PLA2G4E: variants seen among roughly 807,000 people sequenced by gnomAD.
PLA2G4E encodes the protein cytosolic phospholipase A2 epsilon.
A neutral mutation model predicts 109.1 loss-of-function variants in PLA2G4E; 84 were observed. The observed-to-expected ratio is 0.77, with a 90% CI of 0.65 to 0.92. The LOEUF is 0.92. PLA2G4E is among the 40% of genes least tolerant of loss of function. The pLI, the probability that PLA2G4E is intolerant of heterozygous loss-of-function variation, is 0.00. For synonymous variants in PLA2G4E, 469 were observed against 436.1 expected (o/e 1.08, Z -0.94); for missense variants, 1,057 against 1,076.6 (o/e 0.98, Z 0.25).
chr15:42,050,034 G>A (rs1889481006), intron 1 of PLA2G4E, among the ~76,000 whole-genome samples: 1 of 152,204 alleles, frequency 6.6e-6, no homozygotes, highest in Non-Finnish European at 1.5e-5. Context: ...TGACTCGCAT[G>A]GAATTACACT....
chr15:42,005,186 G>A (rs2068462989), intron 4 of PLA2G4E, among the ~76,000 whole-genome samples: 1 of 152,284 alleles, frequency 6.6e-6, no homozygotes, highest in South Asian at 2.1e-4. Context: ...GCCCAGGGGA[G>A]GTCAGGGTGT....
intron 12 of PLA2G4E, 144 bp from the exon 13 acceptor site, chr15:41,993,103 A>G (rs937993): frequency 0.95 from 622,149 of 658,010 alleles, 294,667 homozygotes; most frequent in African/African-American, 0.98. Context: ...TGAGGCAGAG[A>G]CCTGGCAGAC....
chr15:41,991,580 T>C (rs1325051639), intron 13 of PLA2G4E, among the ~76,000 whole-genome samples: 3 of 152,120 alleles, frequency 2.0e-5, no homozygotes, highest in African/African-American at 7.2e-5. Flanking sequence ...GTCCCATTCC[T>C]TTCTGAATCC....
intron 1 of PLA2G4E, among the ~76,000 whole-genome samples, chr15:42,033,426 A>G (rs1889150182): frequency 6.6e-6 from 1 of 152,146 alleles, no homozygotes; most frequent in Admixed American, 6.5e-5. Flanking sequence ...GAAACAGAGG[A>G]GTGGCTGAGC....
chr15:42,040,206 A>G (rs1359544371), intron 1 of PLA2G4E, among the ~76,000 whole-genome samples: 1 of 150,940 alleles, frequency 6.6e-6, no homozygotes, highest in East Asian at 1.9e-4. Context: ...ACACACACGC[A>G]CACACACACA....
intron 1 of PLA2G4E, among the ~76,000 whole-genome samples, chr15:42,026,444 G>A (rs1219239675): frequency 6.6e-6 from 1 of 152,154 alleles, no homozygotes; most frequent in African/African-American, 2.4e-5. Flanking sequence ...GGAAAAGCCA[G>A]GAAATGCAAA....
rs758613773 is a variant in PLA2G4E, at chr15:42,010,131, G to GCCCCCCCCCCCCCCCCCCCCCCCCCCCCC, written c.257-2267_257-2266insGGGGGGGGGGGGGGGGGGGGGGGGGGGGG. On this transcript the variant is annotated intron_variant, in intron 2 of 19. Transcript: ENST00000399518. ...CTTCCCTTGGCTTTTCCAGAACACT[G>GCCCCCCCCCCCCCCCCCCCCCCCCCCCCC]GCCCCCCCACCCCGGGCCTGGACCA... 1.4e-5 allele frequency: 6 copies of GCCCCCCCCCCCCCCCCCCCCCCCCCCCCC among 440,796 alleles called. No individual in the cohort carries two copies. The African/African-American group carries it at 1.5e-4, about 11-fold the overall frequency. 27.3% of individuals were successfully genotyped at this position (440,796 alleles called of 1,614,324 possible). A position where few individuals can be genotyped will look rare whatever the true frequency, so the allele number is the denominator to read the frequency against.
intron 19 of PLA2G4E, 49 bp downstream of exon 19, chr15:41,984,387 C>A: frequency 1.3e-6 from 2 of 1,548,708 alleles, no homozygotes; most frequent in Non-Finnish European, 1.8e-6. Flanking sequence ...AAAGGCATTC[C>A]CGGGCCAAGG....
At chr15:42,037,572 C>G (rs1277690622) in intron 1 of PLA2G4E, among the ~76,000 whole-genome samples, 1 of 152,236 alleles carries the variant, frequency 6.6e-6, no homozygotes, top group Non-Finnish European at 1.5e-5. Context: ...GGTCACAGGA[C>G]AAGAACTTGG....
intron 13 of PLA2G4E, among the ~76,000 whole-genome samples, chr15:41,991,373 T>C (rs1448335312): frequency 6.6e-6 from 1 of 152,234 alleles, no homozygotes; most frequent in African/African-American, 2.4e-5. Context: ...CTAGCACTTA[T>C]TGATGTAATT....
At chr15:42,014,584 T>C (rs1283751136) in intron 1 of PLA2G4E, among the ~76,000 whole-genome samples, 10 of 152,300 alleles carry the variant, frequency 6.6e-5, no homozygotes, top group African/African-American at 2.4e-4. Context: ...TCACGCACGG[T>C]GACATCTACT....
exon 17 of PLA2G4E, chr15:41,987,255 A>G: frequency 1.2e-6 from 2 of 1,613,968 alleles, no homozygotes; most frequent in Non-Finnish European, 1.7e-6. Flanking sequence ...CTCAGACACG[A>G]AGGACCGATG....
intron 1 of PLA2G4E, among the ~76,000 whole-genome samples, chr15:42,017,109 A>C (rs925792359): frequency 6.6e-6 from 1 of 152,244 alleles, no homozygotes; most frequent in African/African-American, 2.4e-5. Flanking sequence ...TGGAGGCTTC[A>C]GCCCAGGCAG....
intron 6 of PLA2G4E, among the ~76,000 whole-genome samples, chr15:42,001,872 T>A (rs1431978701): frequency 6.6e-6 from 1 of 152,128 alleles, no homozygotes; most frequent in Non-Finnish European, 1.5e-5. Context: ...TTGTATTTTT[T>A]TGTAGGGATG....
At chr15:41,990,026 A>T in intron 14 of PLA2G4E, 95 bp downstream of exon 14, 1 of 899,456 alleles carries the variant, frequency 1.1e-6, no homozygotes. Flanking sequence ...GACAAAGATG[A>T]GTGGGATTGG....
chr15:42,028,147 G>A (rs1041577002), intron 1 of PLA2G4E, among the ~76,000 whole-genome samples: 1 of 152,198 alleles, frequency 6.6e-6, no homozygotes, highest in Non-Finnish European at 1.5e-5. Context: ...TTACAAAGTA[G>A]CAGGGACTGG....
chr15:42,049,055 G>A (rs779609405), intron 1 of PLA2G4E, among the ~76,000 whole-genome samples: 3 of 152,206 alleles, frequency 2.0e-5, no homozygotes, highest in Non-Finnish European at 2.9e-5. Flanking sequence ...AGGCCTAGCC[G>A]ATGAGACACA....
At chr15:42,021,872 G>A (rs1263882598) in intron 1 of PLA2G4E, among the ~76,000 whole-genome samples, 1 of 152,176 alleles carries the variant, frequency 6.6e-6, no homozygotes, top group African/African-American at 2.4e-5. Context: ...TTTTGAAATT[G>A]AGGATGAGAT....
chr15:42,031,159 G>A (rs1417622904), intron 1 of PLA2G4E, among the ~76,000 whole-genome samples: 1 of 151,980 alleles, frequency 6.6e-6, no homozygotes, highest in Non-Finnish European at 1.5e-5. Flanking sequence ...GGTAGAGTCG[G>A]GGTCTCACTA....
Sources: allele counts gnomAD v4.1 joint callset (sites outside exome capture counted in the v4.1 genomes callset), GRCh38; gene constraint gnomAD v4.1.1; transcripts MANE v1.5; gene names NCBI Gene and HGNC (gene_info 2026-07-23, HGNC 2026-07-21).